RGS6: variants seen among roughly 807,000 people sequenced by gnomAD.
RGS6 encodes regulator of G protein signaling 6.
A neutral mutation model predicts 78.5 loss-of-function variants in RGS6; 30 were observed. That is an observed-to-expected ratio of 0.38 (90% CI 0.29 to 0.52). RGS6 has a LOEUF of 0.52. Among genes scored for constraint, RGS6 ranks in the 20% least tolerant of loss-of-function variants. The pLI is 0.85. For synonymous variants in RGS6, 206 were observed against 206.0 expected (o/e 1.00, Z 0.00); for missense variants, 495 against 609.7 (o/e 0.81, Z 1.98).
intron 2 of RGS6, among the ~76,000 whole-genome samples, chr14:72,311,664 AATG>A (rs939009517): frequency 6.6e-6 from 1 of 152,160 alleles, no homozygotes; most frequent in Non-Finnish European, 1.5e-5. Context: ...CTTTGTTTCT[AATG>A]ATGATGATGA....
chr14:72,196,915 G>A (rs1412309050), intron 2 of RGS6, among the ~76,000 whole-genome samples: 1 of 152,170 alleles, frequency 6.6e-6, no homozygotes, highest in African/African-American at 2.4e-5. Context: ...TTTGAGATCT[G>A]TAAATTCCCC....
chr14:72,191,394 C>T lies in RGS6; in HGVS notation c.85-160701C>T, dbSNP rs544987252. ...GCCTCAACGTAACTCCCTTGACCTT[C>T]CATGTTGTATTAGTCCTTTCTCATG... is the stretch of plus-strand genomic sequence containing the variant. On this transcript the variant is annotated intron_variant, in intron 2 of 17. Transcript: ENST00000553525. 4.6e-5 allele frequency among the ~76,000 whole-genome samples: 7 copies of T among 152,316 alleles called. No individual in the cohort carries two copies. The East Asian group carries it at 1.4e-3, about 29-fold the overall frequency.
the RGS6 span, among the ~76,000 whole-genome samples, chr14:72,599,883 C>T: frequency 2.0e-5 from 3 of 152,092 alleles, no homozygotes; most frequent in African/African-American, 4.8e-5. Context: ...GTTCCTGGAA[C>T]GGCTCTCGGG....
chr14:72,293,442 T>TA (rs2064029890), intron 2 of RGS6, among the ~76,000 whole-genome samples: 1 of 152,246 alleles, frequency 6.6e-6, no homozygotes. Context: ...TCGGATGGGC[T>TA]AGTGTTTGTT....
chr14:72,242,500 T>C (rs776577003), intron 2 of RGS6, among the ~76,000 whole-genome samples: 21 of 152,214 alleles, frequency 1.4e-4, no homozygotes, highest in Non-Finnish European at 2.5e-4. Flanking sequence ...ACTTTCTATT[T>C]ATTTTAACAT....
At position 72,502,819 on chromosome 14, in the gene RGS6, G is replaced by A. The variant is rs141492649; in HGVS notation, c.966-7335G>A. Reference sequence around the variant, plus strand: ...AGTAACTGGACCACTCTTCATTGGAGTATTCAGGACCCTCAGGTTGTTCTT... The same window carrying A: ...AGTAACTGGACCACTCTTCATTGGAATATTCAGGACCCTCAGGTTGTTCTT... On this transcript the variant is annotated intron_variant, in intron 13 of 17. Transcript: ENST00000553525. Among the ~76,000 whole-genome samples, 260 of 152,242 alleles carry A rather than the reference G, an allele frequency of 1.7e-3. 1 individual carries two copies. The highest frequency in any genetic ancestry group is 6.0e-3 in the African/African-American group (249 of 41,540).
chr14:72,390,298 A>T (rs113668099), intron 3 of RGS6, among the ~76,000 whole-genome samples: 1 of 151,922 alleles, frequency 6.6e-6, no homozygotes, highest in Non-Finnish European at 1.5e-5. Context: ...GGGTTTTGCC[A>T]TGTTGGCCAG....
At chr14:71,971,273 G>T (rs150481014) in intron 2 of RGS6, among the ~76,000 whole-genome samples, 1 of 152,282 alleles carries the variant, frequency 6.6e-6, no homozygotes, top group East Asian at 1.9e-4. Context: ...GTTTCAGTTG[G>T]GTTTGGTTAG....
intron 1 of RGS6, among the ~76,000 whole-genome samples, chr14:71,956,527 G>A (rs1467023818): frequency 6.6e-6 from 1 of 151,990 alleles, no homozygotes; most frequent in African/African-American, 2.4e-5. Flanking sequence ...TGAAGAACTT[G>A]TAGTCCCAAG....
chr14:71,990,649 C>T (rs904037607), intron 2 of RGS6: 1 of 456,028 alleles, frequency 2.2e-6, no homozygotes, highest in Non-Finnish European at 4.4e-6. Flanking sequence ...GGGGCAGCTT[C>T]TTCTGCCCAC....
intron 17 of RGS6, among the ~76,000 whole-genome samples, chr14:72,546,391 C>T (rs1220271087): frequency 6.6e-6 from 1 of 152,208 alleles, no homozygotes; most frequent in Non-Finnish European, 1.5e-5. Context: ...AGTGGCTCCT[C>T]ACGGGGTTGA....
intron 3 of RGS6, among the ~76,000 whole-genome samples, chr14:72,411,749 C>T (rs926224208): frequency 2.0e-5 from 3 of 152,232 alleles, no homozygotes; most frequent in African/African-American, 7.2e-5. Flanking sequence ...CCATCAATAC[C>T]TAATTTATTG....
chr14:72,503,758 A>T (rs1299768877), intron 13 of RGS6, among the ~76,000 whole-genome samples: 2 of 152,140 alleles, frequency 1.3e-5, no homozygotes, highest in African/African-American at 4.8e-5. Context: ...CCTGGGCTGG[A>T]GTCATACACC....
chr14:72,102,464 T>A (rs544449473), intron 2 of RGS6, among the ~76,000 whole-genome samples: 3 of 152,320 alleles, frequency 2.0e-5, no homozygotes, highest in African/African-American at 7.2e-5. Flanking sequence ...TTTGTGCATA[T>A]TTATTGCAGT....
chr14:72,234,581 A>G (rs1381794121), intron 2 of RGS6, among the ~76,000 whole-genome samples: 2 of 152,190 alleles, frequency 1.3e-5, no homozygotes, highest in East Asian at 3.9e-4. Context: ...ACAGGGTTAC[A>G]GAGCTGTGAT....
intron 2 of RGS6, among the ~76,000 whole-genome samples, chr14:72,206,468 TTG>T (rs368382203): frequency 2.0e-5 from 3 of 152,024 alleles, no homozygotes; most frequent in Admixed American, 6.5e-5. Context: ...ATGCACAATA[TTG>T]TGTGTGTGTG....
intron 2 of RGS6, among the ~76,000 whole-genome samples, chr14:72,209,660 G>A (rs1567476921): frequency 6.6e-6 from 1 of 152,152 alleles, no homozygotes; most frequent in Non-Finnish European, 1.5e-5. Flanking sequence ...GGACTAGATG[G>A]CCAGGAGAAA....
At chr14:72,515,956 G>T (rs551235615) in intron 14 of RGS6, 7 of 152,420 alleles carry the variant, frequency 4.6e-5, no homozygotes, top group African/African-American at 1.7e-4. Flanking sequence ...GAAGTTGCAG[G>T]GGCCCAGGGG....
intron 2 of RGS6, among the ~76,000 whole-genome samples, chr14:72,134,845 C>G (rs1271803734): frequency 1.3e-5 from 2 of 152,138 alleles, no homozygotes; most frequent in Non-Finnish European, 2.9e-5. Context: ...AGTGAATTCC[C>G]CCTTTCCCCA....
Sources: allele counts gnomAD v4.1 joint callset (sites outside exome capture counted in the v4.1 genomes callset), GRCh38; gene constraint gnomAD v4.1.1; transcripts MANE v1.5; gene names NCBI Gene and HGNC (gene_info 2026-07-23, HGNC 2026-07-21).